The following EEPD1 variants were observed in gnomAD, a reference collection of about 807,000 sequenced individuals.
EEPD1 encodes endonuclease/exonuclease/phosphatase family domain-containing protein 1.
A neutral mutation model predicts 46.3 loss-of-function variants in EEPD1; 17 were observed. The ratio of observed to expected loss-of-function variants is 0.37; its 90% CI spans 0.25 to 0.55. The LOEUF is 0.55. Among genes scored for constraint, EEPD1 ranks in the 20% least tolerant of loss-of-function variants. EEPD1 has a pLI of 0.83. For missense variants in EEPD1, 673 were observed against 745.6 expected (o/e 0.90, Z 1.13); for synonymous variants, 313 against 315.6 (o/e 0.99, Z 0.09).
At chr7:36,265,519 T>C (rs1787000727) in intron 3 of EEPD1, among the ~76,000 whole-genome samples, 1 of 152,242 alleles carries the variant, frequency 6.6e-6, no homozygotes, top group Admixed American at 6.5e-5. Context: ...GCCAGCTTGG[T>C]CCTACTCATA....
At position 36,300,699 on chromosome 7, in the gene EEPD1, T is replaced by C. The variant is rs196619; in HGVS notation, c.*1493T>C. 0.83 allele frequency: 126,004 copies of C among 152,182 alleles called. 52,995 individuals are homozygous for C. Among genetic ancestry groups the C allele is most frequent in the East Asian group, 0.96 (4,970 of 5,158 alleles). The allele number at this position is 152,182 out of a possible 1,614,324, so 9.4% of individuals were successfully genotyped here. A position where few individuals can be genotyped will look rare whatever the true frequency, so the allele number is the denominator to read the frequency against. ...GAGCTGATGGGCCGTGAAGGGGGCC[T>C]ATTTTTCTCCAAAGGCCATCCTTTT... is the stretch of plus-strand genomic sequence containing the variant. On this transcript the variant is annotated 3_prime_UTR_variant, in exon 8 of 8. Transcript: ENST00000242108.
chr7:36,242,768 CA>C (rs34909516), intron 3 of EEPD1, among the ~76,000 whole-genome samples: 32,635 of 85,362 alleles, frequency 0.38, 4,010 homozygotes, highest in Middle Eastern at 0.51. Context: ...AATAAAAATA[CA>C]AAAAAAAAAA....
At chr7:36,190,368 T>A (rs1027501042) in intron 2 of EEPD1, among the ~76,000 whole-genome samples, 1 of 152,156 alleles carries the variant, frequency 6.6e-6, no homozygotes, top group Non-Finnish European at 1.5e-5. Context: ...CGAGACCCTG[T>A]CTCAAACAAA....
chr7:36,171,211 C>A (rs923645689), intron 2 of EEPD1, among the ~76,000 whole-genome samples: 2 of 152,192 alleles, frequency 1.3e-5, no homozygotes, highest in African/African-American at 4.8e-5. Flanking sequence ...GCATGAGCCA[C>A]CATGCCCAGC....
intron 2 of EEPD1, among the ~76,000 whole-genome samples, chr7:36,197,575 ATTC>A (rs959319952): frequency 3.9e-5 from 6 of 152,220 alleles, no homozygotes; most frequent in African/African-American, 1.4e-4. Context: ...ACTAAGAAAA[ATTC>A]TTCTGCCTTG....
At chr7:36,259,908 C>T (rs767824915) in intron 3 of EEPD1, among the ~76,000 whole-genome samples, 2 of 152,104 alleles carry the variant, frequency 1.3e-5, no homozygotes, top group Non-Finnish European at 2.9e-5. Flanking sequence ...ATTTTGTGTA[C>T]CATTTCTAGT....
chr7:36,272,195 A>AT (rs933658852), intron 3 of EEPD1, among the ~76,000 whole-genome samples: 5 of 104,308 alleles, frequency 4.8e-5, no homozygotes, highest in African/African-American at 1.3e-4. Context: ...TAATTTAAAG[A>AT]TAAAAAAAAA....
Position 36,154,218 on chromosome 7 carries a change from T to C in EEPD1, c.-107T>C. 2.2e-6 allele frequency: 3 copies of C among 1,379,486 alleles called. No homozygotes were observed. Among genetic ancestry groups the C allele is most frequent in the Non-Finnish European group, 2.9e-6 (3 of 1,041,424 alleles). 85.5% of individuals were successfully genotyped at this position (1,379,486 alleles called of 1,614,324 possible). A position where few individuals can be genotyped will look rare whatever the true frequency, so the allele number is the denominator to read the frequency against. On this transcript the variant is annotated 5_prime_UTR_variant, in exon 2 of 8. Coordinates refer to ENST00000242108, the MANE Select transcript of EEPD1 (RefSeq NM_030636.3). This position sits in a 1 kb window ranked among gnomAD's most constrained non-coding sequence, Gnocchi z 4.2. ...AGTAACCTCTTCAGTCCCTGAATCCTGCACCTTCCGTTTTTCTGTGCTTGT... is the reference window on the plus strand; with the variant it reads ...AGTAACCTCTTCAGTCCCTGAATCCCGCACCTTCCGTTTTTCTGTGCTTGT...
rs368005491 is a variant in EEPD1 at position 36,287,594 on chromosome 7, T to A, written c.1177-45T>A. ...TCGGTTGTAACGGATACAGGAAATA[T>A]GAGCTTCTGAGCCTCTCCCTGTTGC... On this transcript the variant is annotated intron_variant, in intron 5 of 7. Transcript: ENST00000242108. 8.2e-6 allele frequency: 13 copies of A among 1,591,840 alleles called. No homozygotes were observed. The East Asian group carries it at 2.7e-4, about 33-fold the overall frequency.
At chr7:36,248,538 A>G (rs1271450392) in intron 3 of EEPD1, among the ~76,000 whole-genome samples, 2 of 150,560 alleles carry the variant, frequency 1.3e-5, no homozygotes, top group African/African-American at 4.9e-5. Flanking sequence ...TTTTTTCCAA[A>G]AAAACACTGT....
chr7:36,161,845 G>C (rs150970615), intron 2 of EEPD1, among the ~76,000 whole-genome samples: 174 of 148,592 alleles, frequency 1.2e-3, no homozygotes, highest in African/African-American at 4.1e-3. Flanking sequence ...GGTGAACTGT[G>C]ATCATGCCAT....
chr7:36,250,698 A>G (rs1786722816), intron 3 of EEPD1, among the ~76,000 whole-genome samples: 2 of 152,132 alleles, frequency 1.3e-5, no homozygotes, highest in Admixed American at 1.3e-4. Flanking sequence ...GTGCTTGGCT[A>G]TTGACCCCTT....
chr7:36,203,974 T>TA (rs80138067), intron 2 of EEPD1, among the ~76,000 whole-genome samples: 1 of 151,370 alleles, frequency 6.6e-6, no homozygotes, highest in East Asian at 1.9e-4. Context: ...TTTTTTTTTT[T>TA]ACCCAATAAC....
At chr7:36,257,113 G>T (rs932400919) in intron 3 of EEPD1, among the ~76,000 whole-genome samples, 2 of 152,162 alleles carry the variant, frequency 1.3e-5, no homozygotes, top group Non-Finnish European at 1.5e-5. Flanking sequence ...ATTCTGAGTT[G>T]AAAATTCTTT....
intron 3 of EEPD1, among the ~76,000 whole-genome samples, chr7:36,245,949 G>A (rs1284073281): frequency 6.6e-6 from 1 of 152,150 alleles, no homozygotes; most frequent in South Asian, 2.1e-4. Context: ...TTAAACACAG[G>A]CCCATCTAAA....
At chr7:36,236,262 G>A (rs1049242908) in intron 2 of EEPD1, among the ~76,000 whole-genome samples, 1 of 152,234 alleles carries the variant, frequency 6.6e-6, no homozygotes, top group Non-Finnish European at 1.5e-5. Flanking sequence ...GGCCGGAGCC[G>A]GCTCCCTCTG....
chr7:36,296,985 A>G lies in EEPD1; in HGVS notation c.1316-8A>G. On this transcript the variant is annotated splice_polypyrimidine_tract_variant and splice_region_variant and intron_variant, in intron 6 of 7. Transcript: ENST00000242108. ...CTCTTAAACTCATTTTCTTCCTTCC[A>G]CTTCCAGGAGAAAAGGATGTCATTA... 1 of 1,612,522 alleles carries G rather than the reference A, an allele frequency of 6.2e-7. No homozygotes were observed.
intron 3 of EEPD1, among the ~76,000 whole-genome samples, chr7:36,255,068 G>A (rs997324858): frequency 2.6e-5 from 4 of 152,176 alleles, no homozygotes; most frequent in African/African-American, 9.6e-5. Context: ...TTGCAAAAAT[G>A]TTCTCCCATT....
intron 2 of EEPD1, among the ~76,000 whole-genome samples, chr7:36,197,637 CAT>C (rs1180632655): frequency 6.6e-6 from 1 of 152,180 alleles, no homozygotes; most frequent in Non-Finnish European, 1.5e-5. Flanking sequence ...CTCTCTGAAA[CAT>C]GTGCTGTGTC....
Sources: allele counts gnomAD v4.1 joint callset (sites outside exome capture counted in the v4.1 genomes callset), GRCh38; gene constraint gnomAD v4.1.1; non-coding constraint Gnocchi (gnomAD v3.1); transcripts MANE v1.5; gene names NCBI Gene and HGNC (gene_info 2026-07-23, HGNC 2026-07-21).